The following MDGA2 variants were observed in gnomAD, a reference collection of about 807,000 sequenced individuals.
The protein encoded by MDGA2 is MAM domain containing glycosylphosphatidylinositol anchor 2, also known as MAM domain-containing glycosylphosphatidylinositol anchor protein 2.
In MDGA2, 40 loss-of-function variants were observed where a neutral mutation model predicts 117.8. That is an observed-to-expected ratio of 0.34 (90% CI 0.26 to 0.44). The LOEUF (loss-of-function observed/expected upper bound fraction) is 0.44. MDGA2 is among the 20% of genes least tolerant of loss of function. MDGA2 has a pLI of 1.00. For missense variants in MDGA2, 1,123 were observed against 1,250.6 expected, an observed-to-expected ratio of 0.90 and a Z score of 1.54; for synonymous variants, 452 against 439.0, an observed-to-expected ratio of 1.03 and a Z score of -0.37.
At chr14:47,121,282 G>A (rs1881636501) in intron 5 of MDGA2, among the ~76,000 whole-genome samples, 1 of 151,940 alleles carries the variant, frequency 6.6e-6, no homozygotes, top group South Asian at 2.1e-4. Flanking sequence ...AACATGTTTA[G>A]GTTTCTTCAT....
At chr14:47,003,826 G>A (rs79569461) in intron 8 of MDGA2, among the ~76,000 whole-genome samples, 7,472 of 151,518 alleles carry the variant, frequency 0.049, 628 homozygotes, top group African/African-American at 0.17. Flanking sequence ...TTGCATTTTG[G>A]GTGCTACATT....
intron 2 of MDGA2, among the ~76,000 whole-genome samples, chr14:47,276,828 C>T (rs1389036820): frequency 6.6e-6 from 1 of 152,138 alleles, no homozygotes; most frequent in African/African-American, 2.4e-5. Context: ...TCATCACGCT[C>T]CTCAATATCT....
chr14:47,263,233 TCACAATCTTAAGAA>T (rs1475353782), intron 2 of MDGA2, among the ~76,000 whole-genome samples: 1 of 152,098 alleles, frequency 6.6e-6, no homozygotes, highest in Non-Finnish European at 1.5e-5. Flanking sequence ...TTTTCATGTC[TCACAATCTTAAGAA>T]CGTGGATTTA....
chr14:47,603,515 T>C (rs1896685053), intron 1 of MDGA2, among the ~76,000 whole-genome samples: 1 of 152,232 alleles, frequency 6.6e-6, no homozygotes, highest in Non-Finnish European at 1.5e-5. Flanking sequence ...GATACCTATA[T>C]TCTGCATAAT....
At chr14:47,457,073 G>A (rs1314941322) in intron 1 of MDGA2, among the ~76,000 whole-genome samples, 1 of 152,158 alleles carries the variant, frequency 6.6e-6, no homozygotes, top group African/African-American at 2.4e-5. Context: ...GCACATATGA[G>A]CCAACACACA....
chr14:47,108,122 A>C (rs930399397), intron 5 of MDGA2, among the ~76,000 whole-genome samples: 2 of 151,758 alleles, frequency 1.3e-5, no homozygotes, highest in African/African-American at 4.8e-5. Flanking sequence ...CACCTCACCA[A>C]GCTCAGCCAC....
chr14:47,449,745 A>G (rs1384364948), intron 1 of MDGA2, among the ~76,000 whole-genome samples: 1 of 152,188 alleles, frequency 6.6e-6, no homozygotes, highest in Non-Finnish European at 1.5e-5. Context: ...AAAGCTACCT[A>G]GGCAGACATC....
chr14:47,221,224 G>GAAGGA (rs762010063), intron 2 of MDGA2, among the ~76,000 whole-genome samples: 2 of 152,308 alleles, frequency 1.3e-5, no homozygotes, highest in East Asian at 3.9e-4. Flanking sequence ...TGTAGGGATG[G>GAAGGA]AAGGAAAGGA....
intron 1 of MDGA2, among the ~76,000 whole-genome samples, chr14:47,603,451 T>C (rs1896683836): frequency 6.6e-6 from 1 of 152,210 alleles, no homozygotes; most frequent in Non-Finnish European, 1.5e-5. Flanking sequence ...AAGGGGGTCA[T>C]ATTTGATATC....
At chr14:47,213,810 G>A (rs1885974999) in intron 3 of MDGA2, among the ~76,000 whole-genome samples, 1 of 152,014 alleles carries the variant, frequency 6.6e-6, no homozygotes, top group South Asian at 2.1e-4. Flanking sequence ...GCCCAAGACT[G>A]GGTAATTCAT....
chr14:47,036,478 T>C (rs1888861024), intron 7 of MDGA2, among the ~76,000 whole-genome samples: 1 of 152,134 alleles, frequency 6.6e-6, no homozygotes, highest in African/African-American at 2.4e-5. Flanking sequence ...ACATCACTAG[T>C]TCCACTGGAA....
At chr14:47,480,839 T>C (rs116797193) in intron 1 of MDGA2, among the ~76,000 whole-genome samples, 2,310 of 152,050 alleles carry the variant, frequency 0.015, 25 homozygotes, top group African/African-American at 0.025. Context: ...CAACGTGCTA[T>C]TGTAAAAATT....
intron 1 of MDGA2, among the ~76,000 whole-genome samples, chr14:47,522,144 A>G (rs1374767544): frequency 6.6e-6 from 1 of 152,190 alleles, no homozygotes; most frequent in Non-Finnish European, 1.5e-5. Flanking sequence ...ATTAACTAAT[A>G]TAAACCAATG....
intron 1 of MDGA2, among the ~76,000 whole-genome samples, chr14:47,318,513 T>C (rs2416045): frequency 0.092 from 14,050 of 152,176 alleles, 725 homozygotes; most frequent in South Asian, 0.14. Flanking sequence ...CAGAGCTCCA[T>C]AAACCAGCTC....
At position 46,910,653 on chromosome 14, in the gene MDGA2, A is replaced by G. The variant is rs189797921; in HGVS notation, c.2238+9359T>C. 4.1e-4 allele frequency among the ~76,000 whole-genome samples: 63 copies of G among 152,284 alleles called. No homozygotes were observed. In the East Asian group the frequency reaches 0.011, roughly 27 times the overall value. On this transcript the variant is annotated intron_variant, in intron 10 of 16. Coordinates refer to ENST00000399232, the MANE Select transcript of MDGA2 (RefSeq NM_001113498.3). ...CCAGAGCAATCAGGCAAGAAAAAGA[A>G]ATAAAGGACATTCAAATAGGTAGGA... is the stretch of plus-strand genomic sequence containing the variant.
chr14:46,934,042 G>A (rs1355534406), intron 9 of MDGA2, among the ~76,000 whole-genome samples: 1 of 151,150 alleles, frequency 6.6e-6, no homozygotes, highest in African/African-American at 2.4e-5. Context: ...AAATTCAAAA[G>A]GATTACTTAA....
rs145962299 is a variant in MDGA2, at chr14:47,155,346, T to C, written c.596-11072A>G. Among the ~76,000 whole-genome samples the C allele has an allele frequency of 2.5e-3, 382 of 151,906 alleles. 2 individuals are homozygous for C. Among genetic ancestry groups the C allele is most frequent in the Non-Finnish European group, 4.5e-3 (306 of 67,966 alleles). On this transcript the variant is annotated intron_variant, in intron 3 of 16. Transcript: ENST00000399232. ...GAAACATGCCTCCCTGCTTGCCACA[T>C]TGCGGATGATGAGAAGAAGAGAAGA...
chr14:47,667,992 C>T (rs565928522), intron 1 of MDGA2, among the ~76,000 whole-genome samples: 57 of 152,190 alleles, frequency 3.7e-4, no homozygotes, highest in African/African-American at 1.3e-3. Context: ...TTTCTAATGC[C>T]TTTCATCATA....
intron 9 of MDGA2, among the ~76,000 whole-genome samples, chr14:46,941,871 A>C (rs1399268521): frequency 1.3e-5 from 2 of 152,176 alleles, no homozygotes; most frequent in Non-Finnish European, 1.5e-5. Context: ...CAGACTCAAA[A>C]GTAATGTGAG....
Sources: gnomAD v4.1 joint callset for allele counts (sites outside exome capture counted in the v4.1 genomes callset) on GRCh38, gnomAD v4.1.1 for gene constraint, MANE v1.5 for transcripts, NCBI Gene and HGNC (gene_info 2026-07-23, HGNC 2026-07-21) for gene names.